BPTF: variants seen among roughly 807,000 people sequenced by gnomAD.
The protein encoded by BPTF is nucleosome-remodeling factor subunit BPTF.
A neutral mutation model predicts 292.5 loss-of-function variants in BPTF; 18 were observed. That is an observed-to-expected ratio of 0.06 (90% CI 0.04 to 0.09). The LOEUF (loss-of-function observed/expected upper bound fraction) is 0.09, where lower values mean the gene tolerates loss of function less well. Among genes scored for constraint, BPTF ranks in the 10% least tolerant of loss-of-function variants. BPTF has a pLI of 1.00. For missense variants in BPTF, 2,726 were observed against 3,498.7 expected, an observed-to-expected ratio of 0.78 and a Z score of 5.57; for synonymous variants, 1,225 against 1,251.9, an observed-to-expected ratio of 0.98 and a Z score of 0.45.
At chr17:67,889,131 C>CTGTA (rs1217894378) in intron 4 of BPTF, among the ~76,000 whole-genome samples, 1 of 152,186 alleles carries the variant, frequency 6.6e-6, no homozygotes, top group African/African-American at 2.4e-5. Context: ...TGATGTAGAT[C>CTGTA]TGTAGCCTGC....
In BPTF at chr17:67,907,318, A is replaced by G. The variant is rs2062286077; in HGVS notation, c.2813-2264A>G. On this transcript the variant is annotated intron_variant, in intron 9 of 27. Coordinates refer to ENST00000306378, the MANE Select transcript of BPTF (RefSeq NM_182641.4). ...AAAACTACACAAATACAAAGAGAAT[A>G]ATGAACTCATTCAGCTTCAACAATT... Among the ~76,000 whole-genome samples the G allele has an allele frequency of 2.0e-5, 3 of 150,744 alleles. No individual in the cohort carries two copies. The South Asian group carries it at 6.3e-4, about 32-fold the overall frequency.
chr17:67,969,910 G>A (rs975411009), intron 26 of BPTF, among the ~76,000 whole-genome samples: 6 of 152,104 alleles, frequency 3.9e-5, no homozygotes, highest in Non-Finnish European at 7.4e-5. Flanking sequence ...TGTGGAACAA[G>A]AGTGAAACTC....
At chr17:67,896,170 G>A (rs930874946) in intron 7 of BPTF, among the ~76,000 whole-genome samples, 2 of 152,102 alleles carry the variant, frequency 1.3e-5, no homozygotes, top group African/African-American at 4.8e-5. Flanking sequence ...CACCGTGTTA[G>A]CCAGGATGGT....
intron 23 of BPTF, among the ~76,000 whole-genome samples, chr17:67,955,103 C>T (rs2066792676): frequency 1.3e-5 from 2 of 151,586 alleles, no homozygotes; most frequent in South Asian, 4.2e-4. Flanking sequence ...TCCTGGCTAA[C>T]ATGGTGAAAC....
chr17:67,921,124 T>G (rs529467832), intron 13 of BPTF, among the ~76,000 whole-genome samples: 120 of 148,532 alleles, frequency 8.1e-4, no homozygotes, highest in African/African-American at 2.9e-3. Context: ...GCCCGAGAAT[T>G]GCTTGAGCCT....
At chr17:67,877,919 C>T (rs985957901) in intron 4 of BPTF, among the ~76,000 whole-genome samples, 1 of 152,232 alleles carries the variant, frequency 6.6e-6, no homozygotes, top group Non-Finnish European at 1.5e-5. Flanking sequence ...CAGGCATGAG[C>T]TACTGCACCC....
chr17:67,955,556 G>A (rs1555680534), intron 23 of BPTF: 2 of 152,058 alleles, frequency 1.3e-5, no homozygotes, highest in African/African-American at 2.4e-5. Context: ...GCCGGGCACG[G>A]TGGCTCATGC....
rs1555687654 is a variant in BPTF, at chr17:67,966,631, T to C, written c.8514T>C (p.Tyr2838=). Residue 2838 remains tyrosine, a synonymous_variant, in exon 26 of 28, where the codon TAT becomes TAC. Transcript: ENST00000306378. ...TAGACCCTAATGATGCACCAGATTATTATGGTGTTATTAAGGAACCTATGG... is the reference window on the plus strand; with the variant it reads ...TAGACCCTAATGATGCACCAGATTACTATGGTGTTATTAAGGAACCTATGG... ...EPVDPNDAPD[Y]YGVIKEPMDL... The C allele has an allele frequency of 1.3e-6, 2 of 1,581,220 alleles. No individual in the cohort carries two copies. The highest frequency in any genetic ancestry group is 1.7e-6 in the Non-Finnish European group (2 of 1,166,524).
intron 4 of BPTF, among the ~76,000 whole-genome samples, chr17:67,875,340 A>G (rs2059990540): frequency 6.6e-6 from 1 of 152,168 alleles, no homozygotes; most frequent in Non-Finnish European, 1.5e-5. Flanking sequence ...TCATTTTTAT[A>G]TTAATTACTT....
rs534753068 is a variant in BPTF, at chr17:67,880,437, T to C, written c.1864+5417T>C. Among the ~76,000 whole-genome samples the C allele has an allele frequency of 4.6e-5, 7 of 152,314 alleles. No homozygotes were observed. The South Asian group carries it at 1.0e-3, about 23-fold the overall frequency. On this transcript the variant is annotated intron_variant, in intron 4 of 27. Coordinates refer to ENST00000306378, the MANE Select transcript of BPTF (RefSeq NM_182641.4). ...TCAAGGCTATCAGCTTTCCTCTATG[T>C]CCTGCTATAGCTACATCCCACAAAC...
chr17:67,875,829 A>G, intron 4 of BPTF: 1 of 1,150,710 alleles, frequency 8.7e-7, no homozygotes, highest in Non-Finnish European at 1.1e-6. Flanking sequence ...CTAAAACCTT[A>G]AACTATGTGT....
intron 2 of BPTF, among the ~76,000 whole-genome samples, chr17:67,866,088 T>C (rs1337246939): frequency 6.6e-6 from 1 of 152,150 alleles, no homozygotes; most frequent in Non-Finnish European, 1.5e-5. Flanking sequence ...GCCACTGCAC[T>C]CTAGCCCGGG....
At chr17:67,837,329 A>C (rs1435856021) in intron 1 of BPTF, among the ~76,000 whole-genome samples, 2 of 152,020 alleles carry the variant, frequency 1.3e-5, no homozygotes, top group African/African-American at 4.8e-5. Flanking sequence ...GTTGCATTAT[A>C]GTGTGTACCA....
intron 22 of BPTF, 33 bp downstream of exon 22, chr17:67,947,841 GTCTCT>G (rs2065924814): frequency 2.6e-6 from 4 of 1,532,846 alleles, no homozygotes; most frequent in Non-Finnish European, 3.5e-6. Flanking sequence ...TTGTCTGTCC[GTCTCT>G]TCTCTTTATC....
At chr17:67,870,905 G>A (rs1225835920) in intron 3 of BPTF, among the ~76,000 whole-genome samples, 7 of 149,884 alleles carry the variant, frequency 4.7e-5, no homozygotes, top group African/African-American at 1.7e-4. Context: ...AAGTAGCTGG[G>A]ACTACAGGCG....
chr17:67,831,503 C>T (rs558255221), intron 1 of BPTF, among the ~76,000 whole-genome samples: 28 of 152,254 alleles, frequency 1.8e-4, no homozygotes, highest in African/African-American at 6.5e-4. Context: ...ATTCTGCTCA[C>T]CCACGGGCGT....
At chr17:67,969,823 G>C (rs577629610) in intron 26 of BPTF, among the ~76,000 whole-genome samples, 1 of 152,218 alleles carries the variant, frequency 6.6e-6, no homozygotes, top group East Asian at 1.9e-4. Flanking sequence ...ATGCTCAGGA[G>C]GCTGAGGCAG....
At chr17:67,904,231 G>A (rs190905050) in intron 8 of BPTF, among the ~76,000 whole-genome samples, 3 of 146,190 alleles carry the variant, frequency 2.1e-5, no homozygotes, top group East Asian at 3.9e-4. Flanking sequence ...GTTTCACCAT[G>A]TTAGCCAGGT....
At chr17:67,870,001 C>CA (rs59327152) in intron 3 of BPTF, among the ~76,000 whole-genome samples, 5,372 of 57,372 alleles carry the variant, frequency 0.094, 349 homozygotes, top group Non-Finnish European at 0.15. Context: ...GACTCCGTCT[C>CA]AAAAAAAAAA....
Sources: allele counts gnomAD v4.1 joint callset (sites outside exome capture counted in the v4.1 genomes callset), GRCh38; gene constraint gnomAD v4.1.1; transcripts MANE v1.5; gene names NCBI Gene and HGNC (gene_info 2026-07-23, HGNC 2026-07-21).